SVIL: variants seen among roughly 807,000 people sequenced by gnomAD.
SVIL encodes the protein supervillin.
SVIL carries 101 observed loss-of-function variants against 240.4 expected under a neutral mutation model. That is an observed-to-expected ratio of 0.42 (90% confidence interval 0.36 to 0.50). The LOEUF is 0.50. Ranked by LOEUF, SVIL falls within the 20% of genes least tolerant of loss-of-function variation. The pLI is 0.01. For missense variants in SVIL, 2,512 were observed against 2,818.7 expected (o/e 0.89, Z 2.46); for synonymous variants, 999 against 1,100.0 (o/e 0.91, Z 1.82).
At chr10:29,632,472 CAG>C (rs1958135908) in intron 1 of SVIL, among the ~76,000 whole-genome samples, 1 of 139,386 alleles carries the variant, frequency 7.2e-6, no homozygotes, top group African/African-American at 2.7e-5. Context: ...GCCTGGGCAA[CAG>C]AGCAAGACTC....
chr10:29,458,137 C>CTGAT lies in SVIL; in HGVS notation c.*106_*109dup, dbSNP rs1015463642. 5 of 1,079,776 alleles carry CTGAT rather than the reference C, an allele frequency of 4.6e-6. No homozygotes were observed. The African/African-American group carries it at 6.3e-5, about 14-fold the overall frequency. 66.9% of individuals were successfully genotyped at this position (1,079,776 alleles called of 1,614,324 possible). On this transcript the variant is annotated 3_prime_UTR_variant, in exon 38 of 38. Transcript: ENST00000355867. Reference sequence around the variant, plus strand: ...TTAACAATGTCAGGTTCTGAAAACTCTGATTGAAAAATACTTTGTGAAAAA... The same window carrying CTGAT: ...TTAACAATGTCAGGTTCTGAAAACTCTGATTGATTGAAAAATACTTTGTGAAAAA...
chr10:29,471,006 A>C (rs978933523), intron 31 of SVIL, 132 bp downstream of exon 31: 2 of 825,004 alleles, frequency 2.4e-6, no homozygotes, highest in Non-Finnish European at 4.0e-6. Context: ...GTTATCAGGC[A>C]AACATCAGGA....
rs1335692600 is a variant in SVIL at position 29,550,933 on chromosome 10, C to T, written c.491G>A (p.Ser164Asn). The change falls in exon 6 of 38, where the codon AGT becomes AAT. Residue 164 changes from serine to asparagine, a missense_variant. By Grantham distance (46) the Ser-to-Asn change is conservative. Coordinates refer to ENST00000355867, the MANE Select transcript of SVIL (RefSeq NM_021738.3). ...DKQEESSRDA[S>N]SLYPGTETMG... ...CGTCTCGGTCCCGGGGTACAGAGAACTAGCATCTCTGCTTGACTCTTCCTG... is the reference window on the plus strand; with the variant it reads ...CGTCTCGGTCCCGGGGTACAGAGAATTAGCATCTCTGCTTGACTCTTCCTG... 1 of 1,614,110 alleles carries T rather than the reference C, an allele frequency of 6.2e-7. No individual in the cohort carries two copies. Among genetic ancestry groups the T allele is most frequent in the African/African-American group, 1.3e-5 (1 of 75,020 alleles).
intron 3 of SVIL, among the ~76,000 whole-genome samples, chr10:29,653,148 T>A (rs183796853): frequency 3.4e-4 from 52 of 152,250 alleles, no homozygotes; most frequent in African/African-American, 1.1e-3. Flanking sequence ...TTTGGATTTG[T>A]GTTCTTGCCC....
chr10:29,713,732 C>T (rs997449725), intron 1 of SVIL, among the ~76,000 whole-genome samples: 1 of 152,130 alleles, frequency 6.6e-6, no homozygotes, highest in East Asian at 1.9e-4. Flanking sequence ...TGCTATTTGC[C>T]GACCACTGAT....
At chr10:29,506,808 AG>A in intron 17 of SVIL, among the ~76,000 whole-genome samples, 1 of 143,754 alleles carries the variant, frequency 7.0e-6, no homozygotes, top group South Asian at 2.3e-4. Context: ...GAGGGGACAG[AG>A]GGCCTACAGG....
chr10:29,483,868 A>G (rs1947137025), intron 27 of SVIL: 1 of 152,216 alleles, frequency 6.6e-6, no homozygotes, highest in African/African-American at 2.4e-5. Flanking sequence ...AAATTCATAG[A>G]CCAATTCAAT....
At chr10:29,631,556 C>CATG (rs202230484) in intron 1 of SVIL, among the ~76,000 whole-genome samples, 2 of 135,416 alleles carry the variant, frequency 1.5e-5, no homozygotes, top group African/African-American at 2.6e-5. Flanking sequence ...GTGGGCAGAT[C>CATG]ATGAGGTCAG....
In SVIL at chr10:29,490,998, C is replaced by T. The variant is rs528107561; in HGVS notation, c.4041G>A (p.Glu1347=). 5 of 1,613,916 alleles carry T rather than the reference C, an allele frequency of 3.1e-6. No individual in the cohort carries two copies. In the African/African-American group the frequency reaches 4.0e-5, roughly 13 times the overall value. The change falls in exon 22 of 38, where the codon GAG becomes GAA. Residue 1347 remains glutamate, a synonymous_variant. Transcript: ENST00000355867. The part of the protein sequence containing the change: ...YAPKLTSSVA[E]HKRAVRPKRR... Reference sequence around the variant, plus strand: ...GCTTGGGCCTAACTGCCCGCTTGTGCTCGGCCACGGAAGACGTCAATCTGC... The same window carrying T: ...GCTTGGGCCTAACTGCCCGCTTGTGTTCGGCCACGGAAGACGTCAATCTGC...
chr10:29,573,704 T>C lies in SVIL; in HGVS notation c.-200-4392A>G, dbSNP rs150860918. 2.9e-3 allele frequency among the ~76,000 whole-genome samples: 421 copies of C among 145,742 alleles called. 2 individuals carry two copies. Among genetic ancestry groups the C allele is most frequent in the African/African-American group, 0.01 (403 of 39,392 alleles). ...TTTGCAGAGAAATTCTAAGTTGTGA[T>C]TGTGACTTTTTTTTTTTTCCCGCTC... On this transcript the variant is annotated intron_variant, in intron 1 of 37. Coordinates refer to ENST00000355867, the MANE Select transcript of SVIL (RefSeq NM_021738.3).
chr10:29,479,013 C>A (rs1439001391), intron 29 of SVIL, among the ~76,000 whole-genome samples: 3 of 151,840 alleles, frequency 2.0e-5, no homozygotes, highest in Non-Finnish European at 2.9e-5. Context: ...TCCCACTACT[C>A]CCTGGAAGGA....
At chr10:29,480,438 G>C in intron 29 of SVIL, 99 bp downstream of exon 29, 2 of 1,455,508 alleles carry the variant, frequency 1.4e-6, no homozygotes. Flanking sequence ...CTGCACGGAC[G>C]CAGCAGAGGG....
At position 29,677,656 on chromosome 10, in the gene SVIL, A is replaced by G. The variant is rs142001931; in HGVS notation, c.-301+8897T>C. Among the ~76,000 whole-genome samples, 1,187 of 152,268 alleles carry G rather than the reference A, an allele frequency of 7.8e-3. 9 individuals are homozygous for G. The highest frequency in any genetic ancestry group is 0.023 in the African/African-American group (952 of 41,558). Reference sequence around the variant, plus strand: ...AGGCTTCTCTCAACCCCTGGGTTCAAGCGATCCTCCATCCTCAGCCTCCCA... The same window carrying G: ...AGGCTTCTCTCAACCCCTGGGTTCAGGCGATCCTCCATCCTCAGCCTCCCA... On this transcript the variant is annotated intron_variant, in intron 2 of 35. Coordinates refer to the SVIL transcript ENST00000375400.
intron 1 of SVIL, among the ~76,000 whole-genome samples, chr10:29,734,359 C>T (rs1964778536): frequency 6.6e-6 from 1 of 152,132 alleles, no homozygotes; most frequent in South Asian, 2.1e-4. Context: ...CAGCACACAC[C>T]CAGCAGTCCA....
At chr10:29,489,052 T>G (rs1947707358) in intron 22 of SVIL, among the ~76,000 whole-genome samples, 1 of 152,258 alleles carries the variant, frequency 6.6e-6, no homozygotes, top group Admixed American at 6.5e-5. Context: ...AACCAGGAGC[T>G]GGATGCACTT....
intron 2 of SVIL, among the ~76,000 whole-genome samples, chr10:29,563,882 C>T (rs1050585590): frequency 2.4e-4 from 12 of 49,320 alleles, no homozygotes; most frequent in Non-Finnish European, 5.1e-4. Flanking sequence ...CTCCTTAATG[C>T]ATCTTAATAC....
upstream of SVIL, among the ~76,000 whole-genome samples, chr10:29,637,748 A>C (rs1213918081): frequency 1.3e-5 from 2 of 152,226 alleles, no homozygotes; most frequent in Non-Finnish European, 2.9e-5. Context: ...ATTGTGGTAC[A>C]TCCATACCAT....
chr10:29,696,338 A>G (rs1315338388), intron 1 of SVIL, among the ~76,000 whole-genome samples: 1 of 152,010 alleles, frequency 6.6e-6, no homozygotes, highest in East Asian at 2.0e-4. Context: ...TTGGCCCCCC[A>G]AAGTGCGGAG....
chr10:29,566,191 C>A (rs1954947761), intron 2 of SVIL, among the ~76,000 whole-genome samples: 1 of 152,090 alleles, frequency 6.6e-6, no homozygotes, highest in African/African-American at 2.4e-5. Context: ...TTGGACAGGG[C>A]ATAATTTGGA....
Sources: gnomAD v4.1 joint callset for allele counts (sites outside exome capture counted in the v4.1 genomes callset) on GRCh38, gnomAD v4.1.1 for gene constraint, MANE v1.5 for transcripts, NCBI Gene and HGNC (gene_info 2026-07-23, HGNC 2026-07-21) for gene names.